The following CTTNBP2 variants were observed in gnomAD, a reference collection of about 807,000 sequenced individuals.
CTTNBP2 encodes the protein cortactin binding protein 2.
In CTTNBP2, 108 loss-of-function variants were observed where a neutral mutation model predicts 156.9. That is an observed-to-expected ratio of 0.69 (90% CI 0.59 to 0.81). The LOEUF is 0.81. Ranked by LOEUF, CTTNBP2 falls within the 30% of genes least tolerant of loss-of-function variation. CTTNBP2 has a pLI of 0.00. For missense variants in CTTNBP2, 1,924 were observed against 2,035.4 expected (o/e 0.95, Z 1.05); for synonymous variants, 767 against 751.8 (o/e 1.02, Z -0.33).
chr7:117,744,128 T>C (rs1005750557), intron 14 of CTTNBP2, among the ~76,000 whole-genome samples: 1 of 152,142 alleles, frequency 6.6e-6, no homozygotes, highest in Admixed American at 6.6e-5. Flanking sequence ...GAATGGGGTA[T>C]ATTTATCCCC....
chr7:117,804,067 A>T (rs1799783708), intron 3 of CTTNBP2, among the ~76,000 whole-genome samples: 1 of 151,976 alleles, frequency 6.6e-6, no homozygotes, highest in Admixed American at 6.6e-5. Flanking sequence ...GGTTCGAGAG[A>T]TTCTTTTGCC....
Position 117,710,827 on chromosome 7 carries a change from C to T in CTTNBP2, c.*710G>A, listed in dbSNP as rs1161236221. 6.6e-6 allele frequency: 1 copy of T among 152,476 alleles called. No individual in the cohort carries two copies. The highest frequency in any genetic ancestry group is 6.6e-5 in the Admixed American group (1 of 15,258). The allele number at this position is 152,476 out of a possible 1,614,324, so 9.4% of individuals were successfully genotyped here. A position where few individuals can be genotyped will look rare whatever the true frequency, so the allele number is the denominator to read the frequency against. On this transcript the variant is annotated 3_prime_UTR_variant, in exon 23 of 23. Coordinates refer to ENST00000160373, the MANE Select transcript of CTTNBP2 (RefSeq NM_033427.3). The stretch of plus-strand genomic sequence containing the variant: ...ATTCATTTATGCAGTTATCTATATC[C>T]ACTTAGGTACAAAACTTTTGTAAGA...
chr7:117,835,511 C>T (rs1483090110), intron 2 of CTTNBP2, among the ~76,000 whole-genome samples: 1 of 152,154 alleles, frequency 6.6e-6, no homozygotes, highest in Admixed American at 6.5e-5. Flanking sequence ...GTAACCTATC[C>T]AGCTGTTTCC....
In CTTNBP2 at chr7:117,719,667, A is replaced by G. The variant is rs1794670537; in HGVS notation, c.4512-31T>C. 3 of 1,585,614 alleles carry G rather than the reference A, an allele frequency of 1.9e-6. 1 individual carries two copies. The South Asian group carries it at 3.4e-5, about 18-fold the overall frequency. Reference sequence around the variant, plus strand: ...ACAAAGTTCAGAAAAACGTTTTTCAAAGTGAGAACAATTCCCAATTTGGAA... The same window carrying G: ...ACAAAGTTCAGAAAAACGTTTTTCAGAGTGAGAACAATTCCCAATTTGGAA... On this transcript the variant is annotated intron_variant, in intron 20 of 22. Transcript: ENST00000160373.
intron 3 of CTTNBP2, among the ~76,000 whole-genome samples, chr7:117,797,862 AAGAC>A (rs943480460): frequency 1.3e-5 from 2 of 152,174 alleles, no homozygotes; most frequent in Non-Finnish European, 2.9e-5. Context: ...AAAGAGAAAA[AAGAC>A]AGAATGCAGA....
At chr7:117,790,593 G>T (rs1798937679) in intron 4 of CTTNBP2, among the ~76,000 whole-genome samples, 1 of 145,968 alleles carries the variant, frequency 6.9e-6, no homozygotes, top group Admixed American at 6.7e-5. Flanking sequence ...CTCCATTTCT[G>T]AAGGTAAAAA....
intron 8 of CTTNBP2, among the ~76,000 whole-genome samples, chr7:117,773,845 G>C (rs1191401426): frequency 6.6e-6 from 1 of 152,064 alleles, no homozygotes; most frequent in Non-Finnish European, 1.5e-5. Context: ...AAAACACCCA[G>C]GGAGACAAAG....
chr7:117,873,295 G>A (rs1174185877), intron 1 of CTTNBP2, 40 bp downstream of exon 1: 2 of 1,372,508 alleles, frequency 1.5e-6, no homozygotes, highest in African/African-American at 3.1e-5. Flanking sequence ...CCCGGCCCGC[G>A]TCTACACTAG....
chr7:117,861,030 A>G (rs1234381041), intron 2 of CTTNBP2, among the ~76,000 whole-genome samples, 179 bp downstream of exon 2: 1 of 152,174 alleles, frequency 6.6e-6, no homozygotes, highest in Non-Finnish European at 1.5e-5. Context: ...ATCTGACTTC[A>G]GTGTTTGTTT....
chr7:117,868,928 C>T (rs34219875), intron 1 of CTTNBP2, among the ~76,000 whole-genome samples: 1 of 152,246 alleles, frequency 6.6e-6, no homozygotes, highest in East Asian at 1.9e-4. Context: ...TTTTCCTGCC[C>T]ATTCTTTCCT....
chr7:117,743,081 CA>C (rs1305507835), intron 14 of CTTNBP2, among the ~76,000 whole-genome samples: 1 of 152,206 alleles, frequency 6.6e-6, no homozygotes, highest in Non-Finnish European at 1.5e-5. Flanking sequence ...GGCCACTCTC[CA>C]AACTGGGAAA....
intron 8 of CTTNBP2, 88 bp downstream of exon 8, chr7:117,777,423 C>A: frequency 7.5e-7 from 1 of 1,338,672 alleles, no homozygotes; most frequent in South Asian, 1.4e-5. Context: ...TCCAATTATT[C>A]AATTTAAGTG....
chr7:117,754,491 T>C (rs1267520328), intron 12 of CTTNBP2, among the ~76,000 whole-genome samples: 5 of 152,244 alleles, frequency 3.3e-5, no homozygotes, highest in South Asian at 2.1e-4. Flanking sequence ...ACCACCTGCA[T>C]TTAAGAGGCT....
chr7:117,819,681 A>G (rs1299252889), intron 2 of CTTNBP2, among the ~76,000 whole-genome samples: 1 of 151,996 alleles, frequency 6.6e-6, no homozygotes, highest in East Asian at 1.9e-4. Flanking sequence ...GCGTCAAATG[A>G]TTTTCTGTGC....
intron 9 of CTTNBP2, among the ~76,000 whole-genome samples, chr7:117,762,751 C>T (rs1311411334): frequency 3.9e-5 from 6 of 152,162 alleles, no homozygotes; most frequent in African/African-American, 7.2e-5. Context: ...CAATGGCCTA[C>T]GCATTCCAAC....
chr7:117,864,710 A>G (rs919133874), intron 1 of CTTNBP2, among the ~76,000 whole-genome samples: 10 of 123,820 alleles, frequency 8.1e-5, no homozygotes, highest in African/African-American at 2.6e-4. Flanking sequence ...ATATATTCAT[A>G]TATATTCATA....
chr7:117,752,887 C>G (rs987481065), intron 12 of CTTNBP2, among the ~76,000 whole-genome samples: 2 of 151,982 alleles, frequency 1.3e-5, no homozygotes, highest in Admixed American at 6.6e-5. Flanking sequence ...TGAGATTATC[C>G]ATATATTTAG....
At chr7:117,817,563 G>A (rs569078084) in intron 2 of CTTNBP2, among the ~76,000 whole-genome samples, 12 of 150,836 alleles carry the variant, frequency 8.0e-5, no homozygotes, top group South Asian at 6.3e-4. Flanking sequence ...AAAAGAAAGC[G>A]TACTTAAAAT....
At chr7:117,815,437 C>T (rs1217184768) in intron 2 of CTTNBP2, among the ~76,000 whole-genome samples, 1 of 151,874 alleles carries the variant, frequency 6.6e-6, no homozygotes, top group East Asian at 1.9e-4. Flanking sequence ...AAATTATTAC[C>T]AGAGAGAAAT....
Sources: gnomAD v4.1 joint callset for allele counts (sites outside exome capture counted in the v4.1 genomes callset) on GRCh38, gnomAD v4.1.1 for gene constraint, MANE v1.5 for transcripts, NCBI Gene and HGNC (gene_info 2026-07-23, HGNC 2026-07-21) for gene names.